Variants in RBFOX2 observed in about 807,000 individuals in gnomAD.
RBFOX2 encodes RNA binding protein fox-1 homolog 2.
RBFOX2 carries 10 observed loss-of-function variants against 49.1 expected under a neutral mutation model. The ratio of observed to expected loss-of-function variants is 0.20; its 90% CI spans 0.13 to 0.35. The LOEUF is 0.35. RBFOX2 is among the 10% of genes least tolerant of loss of function. The pLI, the probability that RBFOX2 is intolerant of heterozygous loss-of-function variation, is 1.00. For missense variants in RBFOX2, 323 were observed against 486.9 expected (o/e 0.66, Z 3.17); for synonymous variants, 183 against 187.4 (o/e 0.98, Z 0.19).
upstream of RBFOX2, among the ~76,000 whole-genome samples, chr22:35,963,434 C>CTAATAATTAATTAG (rs2056372503): frequency 6.6e-6 from 1 of 152,104 alleles, no homozygotes; most frequent in Non-Finnish European, 1.5e-5. Flanking sequence ...ATGATAAGCA[C>CTAATAATTAATTAG]TAATAATTAA....
chr22:35,827,652 TAAC>T (rs906727981), intron 1 of RBFOX2, among the ~76,000 whole-genome samples: 3 of 152,354 alleles, frequency 2.0e-5, no homozygotes, highest in African/African-American at 7.2e-5. Flanking sequence ...TATAAGCTTT[TAAC>T]AACACTTTAC....
intron 1 of RBFOX2, among the ~76,000 whole-genome samples, chr22:35,852,137 C>T (rs906838229): frequency 6.6e-6 from 1 of 151,978 alleles, no homozygotes; most frequent in Non-Finnish European, 1.5e-5. Flanking sequence ...TAATTATTTA[C>T]ATAGCATTTA....
chr22:35,920,775 G>A (rs1327424015), intron 1 of RBFOX2, among the ~76,000 whole-genome samples: 2 of 152,156 alleles, frequency 1.3e-5, no homozygotes, highest in East Asian at 1.9e-4. Flanking sequence ...GGCATGAAAC[G>A]ATGTTTATAA....
At chr22:35,886,164 A>G (rs949895445) in intron 1 of RBFOX2, among the ~76,000 whole-genome samples, 3 of 152,036 alleles carry the variant, frequency 2.0e-5, no homozygotes, top group Non-Finnish European at 4.4e-5. Flanking sequence ...CCCAAACACA[A>G]TATTTTAGTT....
At chr22:36,017,029 C>G (rs2059061457) in intron 1 of RBFOX2, among the ~76,000 whole-genome samples, 1 of 152,142 alleles carries the variant, frequency 6.6e-6, no homozygotes. Flanking sequence ...TACAGGACCC[C>G]AAACCAGAAG....
intron 4 of RBFOX2, among the ~76,000 whole-genome samples, chr22:35,776,300 G>A (rs768320814): frequency 2.2e-4 from 34 of 152,186 alleles, no homozygotes; most frequent in Non-Finnish European, 3.4e-4. Context: ...AGTCTGAATA[G>A]ACTTCACTTT....
At chr22:35,869,469 CAAAAAAAAAAAAAAAAAAA>C (rs35854576) in intron 1 of RBFOX2, among the ~76,000 whole-genome samples, 726 of 30,576 alleles carry the variant, frequency 0.024, 14 homozygotes, top group Middle Eastern at 0.13. Flanking sequence ...AACGGCTGAC[CAAAAAAAAAAAAAAAAAAA>C]AAAAAAAAAA....
chr22:35,889,205 T>C (rs1277670623), intron 1 of RBFOX2, among the ~76,000 whole-genome samples: 5 of 152,026 alleles, frequency 3.3e-5, no homozygotes, highest in Non-Finnish European at 1.5e-5. Context: ...GGCATTAACT[T>C]CTCTTCTTGC....
intron 1 of RBFOX2, among the ~76,000 whole-genome samples, chr22:36,010,732 TACACAC>T (rs34495987): frequency 0.1 from 13,991 of 136,874 alleles, 685 homozygotes; most frequent in South Asian, 0.12. Context: ...TACTGTTCAG[TACACAC>T]ACACACACAC....
At chr22:35,977,410 C>T (rs956197283) in intron 1 of RBFOX2, among the ~76,000 whole-genome samples, 18 of 151,944 alleles carry the variant, frequency 1.2e-4, no homozygotes, top group African/African-American at 2.7e-4. Flanking sequence ...ACAGTACAGA[C>T]GAATCTCAAA....
intron 1 of RBFOX2, among the ~76,000 whole-genome samples, chr22:35,933,961 T>C (rs2052747592): frequency 7.3e-6 from 1 of 136,300 alleles, no homozygotes; most frequent in African/African-American, 2.8e-5. Flanking sequence ...TATACACACA[T>C]CAATGAAATA....
chr22:35,910,031 CAA>C (rs771083948), intron 1 of RBFOX2, among the ~76,000 whole-genome samples: 3 of 152,114 alleles, frequency 2.0e-5, no homozygotes, highest in Non-Finnish European at 2.9e-5. Context: ...TTAATTTCAA[CAA>C]AGTCATGATT....
At chr22:35,942,978 TTTATAAA>T (rs1225631449), upstream of RBFOX2, among the ~76,000 whole-genome samples, 3 of 152,152 alleles carry the variant, frequency 2.0e-5, no homozygotes, top group Non-Finnish European at 4.4e-5. Flanking sequence ...TAAAACAAGT[TTTATAAA>T]TGTCATTTTA....
chr22:35,935,803 C>T (rs1311110078), intron 1 of RBFOX2, among the ~76,000 whole-genome samples: 1 of 152,156 alleles, frequency 6.6e-6, no homozygotes, highest in Admixed American at 6.5e-5. Flanking sequence ...TATTTAGCTA[C>T]TTACTTGAAT....
At chr22:35,788,296 T>C (rs1602802046) in intron 2 of RBFOX2, among the ~76,000 whole-genome samples, 1 of 152,184 alleles carries the variant, frequency 6.6e-6, no homozygotes, top group East Asian at 1.9e-4. Context: ...ATTAAACACA[T>C]ACGACTCTGA....
Position 35,769,296 on chromosome 22 carries a change from T to C in RBFOX2, c.454-947A>G, listed in dbSNP as rs538834129. Among the ~76,000 whole-genome samples, 4 of 152,290 alleles carry C rather than the reference T, an allele frequency of 2.6e-5. No homozygotes were observed. In the East Asian group the frequency reaches 7.7e-4, roughly 29 times the overall value. On this transcript the variant is annotated intron_variant, in intron 4 of 11. Coordinates refer to ENST00000405409, the Ensembl canonical transcript of RBFOX2. ...GGATATCAGAAAACAGCAATGCAGC[T>C]GGTATAATGACTTAGGATTAATTTG...
At chr22:35,856,186 T>G (rs952362179) in intron 1 of RBFOX2, among the ~76,000 whole-genome samples, 1 of 152,022 alleles carries the variant, frequency 6.6e-6, no homozygotes, top group Non-Finnish European at 1.5e-5. Flanking sequence ...ATCATGAGAT[T>G]TGTAAGGTTT....
chr22:35,940,190 T>C (rs1365875255), upstream of RBFOX2, among the ~76,000 whole-genome samples: 1 of 152,130 alleles, frequency 6.6e-6, no homozygotes, highest in Non-Finnish European at 1.5e-5. Context: ...CTGTGTCTTG[T>C]TCATCATGGT....
chr22:35,911,597 A>C (rs980137212), intron 1 of RBFOX2, among the ~76,000 whole-genome samples: 1 of 152,184 alleles, frequency 6.6e-6, no homozygotes, highest in African/African-American at 2.4e-5. Context: ...TTTTCCTAAA[A>C]ATTGTGATCT....
Sources: allele counts gnomAD v4.1 joint callset (sites outside exome capture counted in the v4.1 genomes callset), GRCh38; gene constraint gnomAD v4.1.1; transcripts MANE v1.5; gene names NCBI Gene and HGNC (gene_info 2026-07-23, HGNC 2026-07-21).